Variants in OGG1 observed in about 807,000 individuals in gnomAD.
OGG1 encodes the protein N-glycosylase/DNA lyase.
OGG1 carries 35 observed loss-of-function variants against 42.3 expected under a neutral mutation model. The observed-to-expected ratio is 0.83, with a 90% CI of 0.63 to 1.10. The LOEUF (loss-of-function observed/expected upper bound fraction) is 1.10, where lower values mean the gene tolerates loss of function less well. Ranked by LOEUF, OGG1 falls within the 50% of genes least tolerant of loss-of-function variation. OGG1 has a pLI of 0.00. For missense variants in OGG1, 484 were observed against 446.7 expected (o/e 1.08, Z -0.75); for synonymous variants, 189 against 179.0 (o/e 1.06, Z -0.44).
chr3:9,759,839 C>T (rs757515059), downstream of OGG1: 2 of 1,608,094 alleles, frequency 1.2e-6, no homozygotes, highest in Admixed American at 1.7e-5. Flanking sequence ...CAGGTCTGGC[C>T]TGGCATCAAG....
intron 2 of OGG1, among the ~76,000 whole-genome samples, chr3:9,772,585 A>G (rs1310823194): frequency 1.3e-5 from 2 of 152,144 alleles, no homozygotes; most frequent in East Asian, 3.9e-4. Context: ...CCAGCTTTCC[A>G]ATTAAACACA....
chr3:9,769,768 G>T (rs2078260264), downstream of OGG1: 1 of 152,170 alleles, frequency 6.6e-6, no homozygotes, highest in Non-Finnish European at 1.5e-5. Context: ...ATACCCAGAG[G>T]CTAGGGGCTC....
chr3:9,786,899 A>AT, intron 3 of OGG1: 1 of 1,062,872 alleles, frequency 9.4e-7, no homozygotes, highest in Non-Finnish European at 1.4e-6. Context: ...GCACCAACCT[A>AT]TTTTTGCACC....
At chr3:9,761,500 G>T, downstream of OGG1, 1 of 1,613,520 alleles carries the variant, frequency 6.2e-7, no homozygotes, top group East Asian at 2.2e-5. Context: ...GCAATCCACA[G>T]CCTTGCTGTA....
downstream of OGG1, chr3:9,761,126 G>T: frequency 3.0e-6 from 1 of 330,956 alleles, no homozygotes; most frequent in Non-Finnish European, 5.6e-6. Flanking sequence ...TTCCTGCTTG[G>T]TTTTTCTCCA....
intron 3 of OGG1, 165 bp downstream of exon 3, chr3:9,752,114 A>G (rs2077330012): frequency 1.5e-6 from 1 of 659,138 alleles, no homozygotes; most frequent in Admixed American, 2.4e-5. Flanking sequence ...CTCCCTATGC[A>G]TCCCTAAAAT....
chr3:9,771,595 T>G (rs1016187605), downstream of OGG1, among the ~76,000 whole-genome samples: 4 of 151,978 alleles, frequency 2.6e-5, no homozygotes, highest in South Asian at 8.3e-4. Context: ...GGATGAGGGG[T>G]TAAGGGATCC....
chr3:9,751,974 C>G (rs1459760735), intron 3 of OGG1, 25 bp downstream of exon 3: 2 of 1,607,780 alleles, frequency 1.2e-6, no homozygotes, highest in Non-Finnish European at 1.7e-6. Flanking sequence ...CCCCTGCCCC[C>G]AGGCCTTCCA....
chr3:9,751,887 C>G lies in OGG1; in HGVS notation c.503C>G (p.Pro168Arg). 1 of 1,614,198 alleles carries G rather than the reference C, an allele frequency of 6.2e-7. No homozygotes were observed. Among genetic ancestry groups the G allele is most frequent in the South Asian group, 1.1e-5 (1 of 91,072 alleles). The part of the protein sequence containing the change: ...MVERLCQAFG[P>R]RLIQLDDVTY... ...GAGCGGCTGTGCCAGGCTTTTGGAC[C>G]TCGGCTCATCCAGCTTGATGATGTC... The change falls in exon 3 of 7, where the codon CCT becomes CGT. Residue 168 changes from proline to arginine, a missense_variant. Pro to Arg is a moderately radical substitution (Grantham distance 103). Coordinates refer to ENST00000344629, the MANE Select transcript of OGG1 (RefSeq NM_002542.6).
chr3:9,760,010 A>G (rs11918940), downstream of OGG1: 591 of 401,250 alleles, frequency 1.5e-3, 5 homozygotes, highest in African/African-American at 9.8e-3. Context: ...TGGGAGGCCA[A>G]TGCAGGTGGA....
At chr3:9,756,991 A>G in intron 6 of OGG1, 70 bp from the exon 7 acceptor site, 1 of 1,612,506 alleles carries the variant, frequency 6.2e-7, no homozygotes, top group South Asian at 1.1e-5. Flanking sequence ...ACCTCCCAAC[A>G]CTGTCACTAG....
chr3:9,784,231 C>T, intron 3 of OGG1: 1 of 1,593,258 alleles, frequency 6.3e-7, no homozygotes, highest in Non-Finnish European at 8.6e-7. Flanking sequence ...GGGAGGCAGG[C>T]CCGTCAGACT....
chr3:9,758,777 G>A (rs186976969), downstream of OGG1: 285 of 227,044 alleles, frequency 1.3e-3, 3 homozygotes, highest in Admixed American at 9.5e-3. Context: ...TTACAGGCAC[G>A]CACCACCATG....
downstream of OGG1, chr3:9,761,151 A>C: frequency 2.9e-6 from 1 of 345,104 alleles, no homozygotes; most frequent in African/African-American, 2.1e-5. Context: ...ATTTATTTTT[A>C]TCACCTGACG....
intron 1 of OGG1, 142 bp from the exon 2 acceptor site, chr3:9,750,803 G>A: frequency 9.7e-7 from 1 of 1,034,190 alleles, no homozygotes; most frequent in Non-Finnish European, 1.5e-6. Context: ...TAGAGGTGAG[G>A]TTTCGCCATG....
At chr3:9,788,550 T>G (rs2078668700), downstream of OGG1, among the ~76,000 whole-genome samples, 1 of 151,670 alleles carries the variant, frequency 6.6e-6, no homozygotes, top group African/African-American at 2.4e-5. Context: ...CGGCTTTTTT[T>G]TTTTTAATGG....
At chr3:9,757,905 TG>T, downstream of OGG1, 1 of 1,552,040 alleles carries the variant, frequency 6.4e-7, no homozygotes, top group Non-Finnish European at 8.7e-7. The surrounding 1 kb of genome is among the most constrained non-coding windows in gnomAD (Gnocchi z 4.5). Context: ...AGTCAAGTCA[TG>T]GGGCAGGGGC....
chr3:9,789,721 G>T (rs762393128), downstream of OGG1: 2 of 1,612,886 alleles, frequency 1.2e-6, no homozygotes. Context: ...ACCTGTTGGG[G>T]GCATCATTTT....
chr3:9,774,253 ACAAAAATTAGCCAGGTGTGGTGGCGCATG>A (rs2078336707), intron 2 of OGG1, among the ~76,000 whole-genome samples: 1 of 152,070 alleles, frequency 6.6e-6, no homozygotes, highest in South Asian at 2.1e-4. Flanking sequence ...TACTAAAAAT[ACAAAAATTAGCCAGGTGTGGTGGCGCATG>A]CCTGTAGTCC....
Sources: allele counts gnomAD v4.1 joint callset (sites outside exome capture counted in the v4.1 genomes callset), GRCh38; gene constraint gnomAD v4.1.1; non-coding constraint Gnocchi (gnomAD v3.1); transcripts MANE v1.5; gene names NCBI Gene and HGNC (gene_info 2026-07-23, HGNC 2026-07-21).